ANTXR2: variants seen among roughly 807,000 people sequenced by gnomAD.
ANTXR2 encodes the protein ANTXR cell adhesion molecule 2.
ANTXR2 carries 44 observed loss-of-function variants against 73.7 expected under a neutral mutation model. The observed-to-expected ratio is 0.60, with a 90% CI of 0.47 to 0.77. The LOEUF (loss-of-function observed/expected upper bound fraction) is 0.77, where lower values mean the gene tolerates loss of function less well. Among genes scored for constraint, ANTXR2 ranks in the 30% least tolerant of loss-of-function variants. The probability of loss-of-function intolerance (pLI) is 0.00; values close to 1 mark genes in which losing one functional copy is unlikely to be tolerated. For synonymous variants in ANTXR2, 217 were observed against 205.9 expected, an observed-to-expected ratio of 1.05 and a Z score of -0.46; for missense variants, 604 against 592.5, an observed-to-expected ratio of 1.02 and a Z score of -0.20.
chr4:80,037,678 T>G (rs1355138134), intron 7 of ANTXR2, among the ~76,000 whole-genome samples: 1 of 152,178 alleles, frequency 6.6e-6, no homozygotes, highest in African/African-American at 2.4e-5. Flanking sequence ...TAAAGGTTAA[T>G]GTGCCCTCTT....
chr4:80,010,283 C>T (rs968674761), intron 11 of ANTXR2, among the ~76,000 whole-genome samples: 20 of 152,058 alleles, frequency 1.3e-4, no homozygotes, highest in African/African-American at 3.4e-4. Flanking sequence ...AAGAATATAA[C>T]GGAAAAAGGA....
In ANTXR2 at chr4:79,902,838, A is replaced by G. The variant is rs1158252564; in HGVS notation, c.*4591T>C. 6.6e-6 allele frequency: 1 copy of G among 152,078 alleles called. No homozygotes were observed. The highest frequency in any genetic ancestry group is 1.5e-5 in the Non-Finnish European group (1 of 68,036). 9.4% of individuals were successfully genotyped at this position (152,078 alleles called of 1,614,324 possible). A position where few individuals can be genotyped will look rare whatever the true frequency, so the allele number is the denominator to read the frequency against. On this transcript the variant is annotated 3_prime_UTR_variant, in exon 17 of 17. Transcript: ENST00000403729. ...AGATACAAAAATACTAAAACCTCCA[A>G]CCTAACCATATTAATAGAAATGTAG...
intron 10 of ANTXR2, among the ~76,000 whole-genome samples, chr4:80,023,162 C>T (rs574825387): frequency 1.3e-5 from 2 of 152,182 alleles, no homozygotes; most frequent in South Asian, 2.1e-4. Context: ...TGCTCACTGC[C>T]ATATAAAAAT....
chr4:79,920,057 TA>T (rs1040071146), intron 16 of ANTXR2, among the ~76,000 whole-genome samples: 2 of 151,566 alleles, frequency 1.3e-5, no homozygotes, highest in Non-Finnish European at 2.9e-5. Flanking sequence ...ATTATAAATA[TA>T]CTATTAACTC....
intron 16 of ANTXR2, among the ~76,000 whole-genome samples, chr4:79,927,571 T>G (rs1727870196): frequency 6.6e-6 from 1 of 152,208 alleles, no homozygotes; most frequent in South Asian, 2.1e-4. Flanking sequence ...GCTATGCAAA[T>G]ACTTTATACT....
chr4:80,031,290 ATG>A (rs1218083079), intron 10 of ANTXR2, among the ~76,000 whole-genome samples: 1 of 151,646 alleles, frequency 6.6e-6, no homozygotes, highest in African/African-American at 2.4e-5. Flanking sequence ...GTGCGTGTGC[ATG>A]TGTGTGTGTT....
In ANTXR2 at chr4:80,054,333, G is replaced by C; in HGVS notation, c.575C>G (p.Ser192Cys). The change falls in exon 7 of 17, where the codon TCC (serine) becomes TGC (cysteine). Residue 192 changes from serine to cysteine, a missense_variant. Transcript: ENST00000403729. ...EQAQLERIAD[S>C]KEQVFPVKGG... ...TTTGACAGGGAAAACTTGCTCCTTG[G>C]AATCAGCAATTCTTTCAAGCTTTAG... The C allele has an allele frequency of 6.3e-7, 1 of 1,591,936 alleles. No homozygotes were observed. Among genetic ancestry groups the C allele is most frequent in the South Asian group, 1.1e-5 (1 of 87,042 alleles).
chr4:80,007,589 C>T (rs1054399651), intron 12 of ANTXR2, among the ~76,000 whole-genome samples: 2 of 152,138 alleles, frequency 1.3e-5, no homozygotes, highest in South Asian at 4.1e-4. Context: ...TAGCTAAGTG[C>T]GTCCAATCTA....
At chr4:79,945,578 A>G (rs1341046421) in intron 16 of ANTXR2, among the ~76,000 whole-genome samples, 1 of 152,190 alleles carries the variant, frequency 6.6e-6, no homozygotes, top group African/African-American at 2.4e-5. Flanking sequence ...TTCTGACTTG[A>G]GAGCTCCAAT....
Position 79,904,336 on chromosome 4 carries a change from C to T in ANTXR2, c.*3093G>A, listed in dbSNP as rs867460131. 2 of 152,172 alleles carry T rather than the reference C, an allele frequency of 1.3e-5. No individual in the cohort carries two copies. Among genetic ancestry groups the T allele is most frequent in the South Asian group, 2.1e-4 (1 of 4,832 alleles). The allele number at this position is 152,172 out of a possible 1,614,324, so 9.4% of individuals were successfully genotyped here. A position where few individuals can be genotyped will look rare whatever the true frequency, so the allele number is the denominator to read the frequency against. ...AATCTGAAATACATGGGGGTTTAAA[C>T]CTTCTATATTTTTGTCAAAATAGTA... On this transcript the variant is annotated 3_prime_UTR_variant, in exon 17 of 17. Coordinates refer to ENST00000403729, the MANE Select transcript of ANTXR2 (RefSeq NM_058172.6).
rs548020891 is a variant in ANTXR2 at position 80,061,495 on chromosome 4, A to C, written c.297-5482T>G. Among the ~76,000 whole-genome samples, 3 of 152,298 alleles carry C rather than the reference A, an allele frequency of 2.0e-5. No homozygotes were observed. In the South Asian group the frequency reaches 6.2e-4, roughly 32 times the overall value. On this transcript the variant is annotated intron_variant, in intron 3 of 16. Coordinates refer to ENST00000403729, the MANE Select transcript of ANTXR2 (RefSeq NM_058172.6). ...CCACAGACTTAATCTGCTTGAAATA[A>C]ACAGTAATTCCAAAACAAAATGTAG...
chr4:80,047,822 G>A (rs1733591757), intron 7 of ANTXR2, among the ~76,000 whole-genome samples: 1 of 151,620 alleles, frequency 6.6e-6, no homozygotes, highest in Admixed American at 6.6e-5. Flanking sequence ...TGATTCCTTG[G>A]ATCCAGCTGT....
chr4:79,919,865 TTATATATATATATATATATATA>T (rs869257072), intron 16 of ANTXR2, among the ~76,000 whole-genome samples: 11 of 17,858 alleles, frequency 6.2e-4, no homozygotes, highest in African/African-American at 1.1e-3. Context: ...AATACATATT[TTATATATATATATATATATATA>T]TATATATATA....
At chr4:79,912,222 AC>A (rs1277072763) in intron 16 of ANTXR2, among the ~76,000 whole-genome samples, 1 of 151,964 alleles carries the variant, frequency 6.6e-6, no homozygotes, top group African/African-American at 2.4e-5. Flanking sequence ...ATAGCGAAAT[AC>A]ATTTAAAGTA....
At chr4:80,061,523 A>T (rs1734256637) in intron 3 of ANTXR2, among the ~76,000 whole-genome samples, 1 of 152,174 alleles carries the variant, frequency 6.6e-6, no homozygotes, top group Non-Finnish European at 1.5e-5. Context: ...AAATGTAGCA[A>T]TACATAAGGA....
chr4:79,986,578 A>G (rs1029557942), intron 12 of ANTXR2, among the ~76,000 whole-genome samples: 17 of 152,246 alleles, frequency 1.1e-4, no homozygotes, highest in South Asian at 4.1e-4. Flanking sequence ...ATAATGCTCC[A>G]CCACTGCATA....
chr4:80,003,930 CTT>C (rs1731178504), intron 12 of ANTXR2, among the ~76,000 whole-genome samples: 1 of 152,002 alleles, frequency 6.6e-6, no homozygotes, highest in African/African-American at 2.4e-5. Context: ...AAAATGAAAA[CTT>C]AAGTTTATGT....
At chr4:80,018,398 T>C (rs958206122) in intron 11 of ANTXR2, among the ~76,000 whole-genome samples, 12 of 152,188 alleles carry the variant, frequency 7.9e-5, no homozygotes, top group Non-Finnish European at 7.3e-5. Flanking sequence ...ATATATTCGA[T>C]GTGGTTACAA....
intron 13 of ANTXR2, 119 bp downstream of exon 13, chr4:79,984,700 T>C: frequency 1.1e-6 from 1 of 881,738 alleles, no homozygotes; most frequent in Non-Finnish European, 1.8e-6. Context: ...TTGTATAAAT[T>C]AAAAAGTCAG....
Sources: gnomAD v4.1 joint callset for allele counts (sites outside exome capture counted in the v4.1 genomes callset) on GRCh38, gnomAD v4.1.1 for gene constraint, MANE v1.5 for transcripts, NCBI Gene and HGNC (gene_info 2026-07-23, HGNC 2026-07-21) for gene names.